CNTNAP5: variants seen among roughly 807,000 people sequenced by gnomAD.
The protein encoded by CNTNAP5 is contactin-associated protein-like 5.
In CNTNAP5, 72 loss-of-function variants were observed where a neutral mutation model predicts 150.2. The observed-to-expected ratio is 0.48, with a 90% CI of 0.40 to 0.58. The LOEUF (loss-of-function observed/expected upper bound fraction) is 0.58. Among genes scored for constraint, CNTNAP5 ranks in the 20% least tolerant of loss-of-function variants. The pLI, the probability that CNTNAP5 is intolerant of heterozygous loss-of-function variation, is 0.00. For synonymous variants in CNTNAP5, 672 were observed against 619.8 expected (o/e 1.08, Z -1.25); for missense variants, 1,636 against 1,626.2 (o/e 1.01, Z -0.10).
intron 10 of CNTNAP5, 44 bp downstream of exon 10, chr2:124,527,500 T>C: frequency 6.8e-7 from 1 of 1,480,466 alleles, no homozygotes; most frequent in African/African-American, 1.4e-5. Context: ...CCCCTTCCCA[T>C]TCTTACTGTT....
intron 11 of CNTNAP5, among the ~76,000 whole-genome samples, chr2:124,608,194 T>C (rs1677297662): frequency 1.3e-5 from 2 of 152,114 alleles, no homozygotes; most frequent in African/African-American, 4.8e-5. Flanking sequence ...TTGAAAGCTG[T>C]TGGGAGCCAC....
chr2:124,660,028 AAGGAAGGAAGGAAGAAAGGAAGG>A (rs1678550158), intron 13 of CNTNAP5, among the ~76,000 whole-genome samples: 1 of 84,364 alleles, frequency 1.2e-5, no homozygotes, highest in Admixed American at 1.4e-4. Context: ...AGAAAGGAGG[AAGGAAGGAAGGAAGAAAGGAAGG>A]AAGGAAGGAA....
intron 1 of CNTNAP5, among the ~76,000 whole-genome samples, chr2:124,027,451 A>C (rs1680926511): frequency 6.6e-6 from 1 of 152,250 alleles, no homozygotes; most frequent in African/African-American, 2.4e-5. Context: ...TAAGGATAAA[A>C]AAGACAGAAC....
chr2:124,253,281 C>T (rs1438185095), intron 3 of CNTNAP5, among the ~76,000 whole-genome samples: 3 of 151,516 alleles, frequency 2.0e-5, no homozygotes, highest in African/African-American at 7.3e-5. Context: ...AAGGAATTAC[C>T]GTATATACTT....
In CNTNAP5 at chr2:124,527,402, G is replaced by A. The variant is rs575603162; in HGVS notation, c.1595G>A (p.Gly532Asp). The change falls in exon 10 of 24, where the codon GGT (glycine) becomes GAT (aspartate). Residue 532 changes from glycine to aspartate, a missense_variant. Physicochemically the swap from Gly to Asp is moderately conservative, Grantham distance 94. Coordinates refer to ENST00000682447, the MANE Select transcript of CNTNAP5 (RefSeq NM_001367498.1). ...QPKDLISVQQGSLGNFSDLHI... is the reference protein window; with the variant it reads ...QPKDLISVQQDSLGNFSDLHI... The stretch of plus-strand genomic sequence containing the variant: ...AAGGACCTCATTTCAGTTCAGCAAG[G>A]TTCCCTGGGGAATTTTAGTGATTTA... 2.5e-6 allele frequency: 4 copies of A among 1,613,750 alleles called. No homozygotes were observed. Among genetic ancestry groups the A allele is most frequent in the Admixed American group, 1.7e-5 (1 of 60,018 alleles).
intron 21 of CNTNAP5, among the ~76,000 whole-genome samples, chr2:124,888,514 G>A (rs1678126944): frequency 6.6e-6 from 1 of 152,010 alleles, no homozygotes; most frequent in African/African-American, 2.4e-5. Flanking sequence ...TATCCTTGAG[G>A]ACTCTCCAAA....
At chr2:124,169,290 A>T (rs1404189909) in intron 1 of CNTNAP5, among the ~76,000 whole-genome samples, 1 of 152,152 alleles carries the variant, frequency 6.6e-6, no homozygotes, top group Non-Finnish European at 1.5e-5. Context: ...GATGTTGGAC[A>T]TGAAGGCTTT....
rs200385956 is a variant in CNTNAP5 at position 124,817,433 on chromosome 2, C to CA, written c.3217+19122dup. Among the ~76,000 whole-genome samples, 666 of 150,304 alleles carry CA rather than the reference C, an allele frequency of 4.4e-3. 3 individuals are homozygous for CA. The highest frequency in any genetic ancestry group is 0.013 in the African/African-American group (529 of 40,976). On this transcript the variant is annotated intron_variant, in intron 19 of 23. Transcript: ENST00000682447. ...AAAAAAAGTAAAACAACACAACACA[C>CA]AAAAAAAAACAAAAGCCCTGAGTTA...
chr2:124,831,812 T>G (rs931341870), intron 19 of CNTNAP5, among the ~76,000 whole-genome samples: 5 of 151,972 alleles, frequency 3.3e-5, no homozygotes, highest in Admixed American at 6.6e-5. Flanking sequence ...TTTACCTAAT[T>G]TATTATTTTT....
intron 6 of CNTNAP5, among the ~76,000 whole-genome samples, chr2:124,465,708 C>A (rs757759070): frequency 3.8e-4 from 58 of 152,260 alleles, no homozygotes; most frequent in Admixed American, 7.2e-4. Context: ...GTTTCACGTA[C>A]CCCTTTAAGT....
chr2:124,675,739 T>C (rs1457476682), intron 13 of CNTNAP5, among the ~76,000 whole-genome samples: 1 of 152,216 alleles, frequency 6.6e-6, no homozygotes, highest in Non-Finnish European at 1.5e-5. Flanking sequence ...TTAGTTGTCT[T>C]ATTTGTCGAG....
intron 3 of CNTNAP5, among the ~76,000 whole-genome samples, chr2:124,389,613 A>C (rs1322603022): frequency 6.6e-6 from 1 of 152,224 alleles, no homozygotes; most frequent in Non-Finnish European, 1.5e-5. Flanking sequence ...TCTGCCTTCC[A>C]CAAGTAGTAG....
chr2:124,313,693 A>G (rs1688888935), intron 3 of CNTNAP5, among the ~76,000 whole-genome samples: 1 of 152,230 alleles, frequency 6.6e-6, no homozygotes, highest in Non-Finnish European at 1.5e-5. Flanking sequence ...TGTCTGGATC[A>G]TGCCATCATG....
chr2:124,048,526 G>T (rs1681604064), intron 1 of CNTNAP5, among the ~76,000 whole-genome samples: 4 of 152,060 alleles, frequency 2.6e-5, no homozygotes. Flanking sequence ...TGGTTGGAGT[G>T]GTCCATTGGA....
chr2:124,477,541 A>G (rs1693669881), intron 7 of CNTNAP5, among the ~76,000 whole-genome samples: 1 of 152,090 alleles, frequency 6.6e-6, no homozygotes, highest in African/African-American at 2.4e-5. Flanking sequence ...AAAAGCCATG[A>G]CATTACTTGT....
At chr2:124,473,710 C>G (rs1324166612) in intron 6 of CNTNAP5, among the ~76,000 whole-genome samples, 1 of 151,902 alleles carries the variant, frequency 6.6e-6, no homozygotes, top group East Asian at 1.9e-4. Flanking sequence ...AGTGATATTT[C>G]AAAGCAGTGG....
intron 3 of CNTNAP5, among the ~76,000 whole-genome samples, chr2:124,342,704 G>A (rs1330000211): frequency 6.6e-6 from 1 of 152,102 alleles, no homozygotes; most frequent in African/African-American, 2.4e-5. Context: ...AAAGGTAAAT[G>A]TTTCAATTCT....
intron 3 of CNTNAP5, among the ~76,000 whole-genome samples, chr2:124,330,165 G>A (rs1689314788): frequency 6.6e-6 from 1 of 152,098 alleles, no homozygotes; most frequent in Non-Finnish European, 1.5e-5. Flanking sequence ...TTCAAGGTAT[G>A]AGGCCAGGTT....
intron 13 of CNTNAP5, among the ~76,000 whole-genome samples, chr2:124,746,154 T>A (rs1293863071): frequency 1.3e-5 from 2 of 152,182 alleles, no homozygotes; most frequent in Admixed American, 1.3e-4. Flanking sequence ...GTTAAGCACC[T>A]GTTGTATATC....
Sources: gnomAD v4.1 joint callset for allele counts (sites outside exome capture counted in the v4.1 genomes callset) on GRCh38, gnomAD v4.1.1 for gene constraint, MANE v1.5 for transcripts, NCBI Gene and HGNC (gene_info 2026-07-23, HGNC 2026-07-21) for gene names.